The following OSCP1 variants were observed in gnomAD, a reference collection of about 807,000 sequenced individuals.
OSCP1 encodes protein OSCP1.
In OSCP1, 35 loss-of-function variants were observed where a neutral mutation model predicts 45.1. The observed-to-expected ratio is 0.78, with a 90% CI of 0.59 to 1.03. OSCP1 has a LOEUF of 1.03. OSCP1 is among the 50% of genes least tolerant of loss of function. The pLI, the probability that OSCP1 is intolerant of heterozygous loss-of-function variation, is 0.00. For missense variants in OSCP1, 400 were observed against 470.7 expected (o/e 0.85, Z 1.39); for synonymous variants, 179 against 180.1 (o/e 0.99, Z 0.05).
chr1:36,421,923 T>C, intron 7 of OSCP1: 2 of 578,966 alleles, frequency 3.5e-6, no homozygotes, highest in Non-Finnish European at 6.2e-6. Context: ...CTCTTAATTA[T>C]GGTGGCCGAG....
chr1:36,421,586 GCCCCTT>G (rs1647618152), intron 7 of OSCP1, among the ~76,000 whole-genome samples: 1 of 152,092 alleles, frequency 6.6e-6, no homozygotes, highest in South Asian at 2.1e-4. Flanking sequence ...GGTACCACAG[GCCCCTT>G]CAAGATGGGA....
intron 1 of OSCP1, among the ~76,000 whole-genome samples, chr1:36,440,369 G>C (rs1649050023): frequency 6.6e-6 from 1 of 152,188 alleles, no homozygotes; most frequent in Admixed American, 6.5e-5. Context: ...CAGAGAGAGG[G>C]GAGAGGGGAT....
At chr1:36,424,518 G>A (rs1361228704) in intron 4 of OSCP1, among the ~76,000 whole-genome samples, 1 of 152,178 alleles carries the variant, frequency 6.6e-6, no homozygotes, top group Non-Finnish European at 1.5e-5. Flanking sequence ...CCTCCTCAAG[G>A]TCAGCCAGCT....
At chr1:36,435,190 G>A (rs1411985694) in intron 2 of OSCP1, among the ~76,000 whole-genome samples, 3 of 147,616 alleles carry the variant, frequency 2.0e-5, no homozygotes, top group Non-Finnish European at 4.4e-5. Flanking sequence ...AACCTCCCCT[G>A]CTCAAGCTAT....
At chr1:36,424,452 GCT>G (rs1285417474) in intron 4 of OSCP1, among the ~76,000 whole-genome samples, 2 of 152,202 alleles carry the variant, frequency 1.3e-5, no homozygotes, top group African/African-American at 2.4e-5. Context: ...CAGGCCTTGA[GCT>G]GTAAGAACCT....
At position 36,422,153 on chromosome 1, in the gene OSCP1, G is replaced by GACC; in HGVS notation, c.815_816insGGT (p.Thr272_Gln273insVal). The GACC allele has an allele frequency of 6.2e-7, 1 of 1,613,742 alleles. No homozygotes were observed. Among genetic ancestry groups the GACC allele is most frequent in the South Asian group, 1.1e-5 (1 of 91,072 alleles). On this transcript the variant is annotated inframe_insertion, in exon 7 of 10. Transcript: ENST00000235532. ...GGCAAGGAAGGCAGAAGCTCACCTG[G>GACC]GTCCATGAGGCTAAGTTCTTTGATG...
chr1:36,431,756 T>C (rs1648374616), intron 4 of OSCP1, 46 bp downstream of exon 4: 1 of 1,589,336 alleles, frequency 6.3e-7, no homozygotes, highest in East Asian at 2.2e-5. Context: ...GTTGTTTCCC[T>C]GGTACAGCAG....
chr1:36,445,073 G>A (rs2124030449), intron 1 of OSCP1, among the ~76,000 whole-genome samples: 1 of 152,338 alleles, frequency 6.6e-6, no homozygotes, highest in South Asian at 2.1e-4. Flanking sequence ...ATTTTGGCGA[G>A]GCACAGTGGC....
At chr1:36,435,296 C>T (rs1252287682) in intron 2 of OSCP1, among the ~76,000 whole-genome samples, 1 of 137,576 alleles carries the variant, frequency 7.3e-6, no homozygotes, top group Non-Finnish European at 1.7e-5. Context: ...TGAGGTCTCA[C>T]TATGGTTTTT....
chr1:36,438,502 A>G (rs1314063385), intron 2 of OSCP1, among the ~76,000 whole-genome samples: 2 of 152,118 alleles, frequency 1.3e-5, no homozygotes, highest in Admixed American at 1.3e-4. Flanking sequence ...AAACAAAAAA[A>G]CACCCAAAAC....
chr1:36,445,699 T>C (rs1305186256), intron 1 of OSCP1, among the ~76,000 whole-genome samples: 3 of 151,138 alleles, frequency 2.0e-5, no homozygotes, highest in Non-Finnish European at 4.4e-5. Flanking sequence ...TATCTTTCTG[T>C]GGCATTTATT....
rs144130136 is a variant in OSCP1 at position 36,438,779 on chromosome 1, G to A, written c.244C>T (p.Leu82=). The A allele has an allele frequency of 5.6e-6, 9 of 1,612,854 alleles. No homozygotes were observed. Among genetic ancestry groups the A allele is most frequent in the Non-Finnish European group, 7.6e-6 (9 of 1,179,534 alleles). ...ACCTTATCCATGCTGGCCTGGTTCA[G>A]TTTCATAATGGAGGCATGAGCCAGG... ...ERLAHASIMK[L]NQASMDKLYD... is the part of the protein sequence containing the mutation. Residue 82 remains leucine, a synonymous_variant, in exon 2 of 10, where the codon CTG becomes TTG. Coordinates refer to ENST00000235532, the MANE Select transcript of OSCP1 (RefSeq NM_145047.5).
chr1:36,439,536 T>C (rs1648983441), intron 1 of OSCP1, among the ~76,000 whole-genome samples: 1 of 152,142 alleles, frequency 6.6e-6, no homozygotes, highest in Admixed American at 6.5e-5. Context: ...TAAAAATTCC[T>C]ATAATTTTTA....
At position 36,442,226 on chromosome 1, in the gene OSCP1, C is replaced by CAAAAAAA. The variant is rs72150069; in HGVS notation, c.113-3323_113-3317dup. The stretch of plus-strand genomic sequence containing the variant: ...GGGCAACAAGAGCGAAACTCCGTCT[C>CAAAAAAA]AAAAAAAAAAAAAAGGAGGCTAAGG... On this transcript the variant is annotated intron_variant, in intron 1 of 9. Transcript: ENST00000235532. 7.0e-5 allele frequency among the ~76,000 whole-genome samples: 8 copies of CAAAAAAA among 113,934 alleles called. No individual in the cohort carries two copies. In the East Asian group the frequency reaches 1.5e-3, roughly 21 times the overall value. The allele number at this position is 113,934 out of a possible 152,430, so 74.7% of individuals were successfully genotyped here.
At chr1:36,419,152 G>T in intron 8 of OSCP1, 98 bp from the exon 9 acceptor site, 2 of 1,017,496 alleles carry the variant, frequency 2.0e-6, no homozygotes, top group Non-Finnish European at 3.1e-6. Context: ...TATTTTTTCT[G>T]CCTCATCTGC....
chr1:36,431,053 G>C (rs929941971), intron 4 of OSCP1, among the ~76,000 whole-genome samples: 2 of 152,232 alleles, frequency 1.3e-5, no homozygotes, highest in African/African-American at 4.8e-5. Context: ...AATGGTGGTG[G>C]TGCCCTCAAA....
At chr1:36,441,750 C>CA (rs575967932) in intron 1 of OSCP1, among the ~76,000 whole-genome samples, 32,769 of 57,876 alleles carry the variant, frequency 0.57, 9,256 homozygotes, top group Non-Finnish European at 0.61. Context: ...GACTCCAGCT[C>CA]AAAAAAAAAA....
chr1:36,432,011 A>AG (rs1332132932), intron 3 of OSCP1, 129 bp from the exon 4 acceptor site: 2 of 782,996 alleles, frequency 2.6e-6, no homozygotes, highest in Non-Finnish European at 4.0e-6. Flanking sequence ...GCTGGGCAGG[A>AG]GGGGCAGCGG....
At chr1:36,441,578 C>T (rs1570543680) in intron 1 of OSCP1, among the ~76,000 whole-genome samples, 1 of 151,216 alleles carries the variant, frequency 6.6e-6, no homozygotes. Flanking sequence ...GAAACCCCGT[C>T]TCCACTAAAA....
Sources: allele counts gnomAD v4.1 joint callset (sites outside exome capture counted in the v4.1 genomes callset), GRCh38; gene constraint gnomAD v4.1.1; transcripts MANE v1.5; gene names NCBI Gene and HGNC (gene_info 2026-07-23, HGNC 2026-07-21).